The following THSD4 variants were observed in gnomAD, a reference collection of about 807,000 sequenced individuals.
THSD4 encodes thrombospondin type-1 domain-containing protein 4.
THSD4 carries 69 observed loss-of-function variants against 119.0 expected under a neutral mutation model. The ratio of observed to expected loss-of-function variants is 0.58; its 90% CI spans 0.48 to 0.71. THSD4 has a LOEUF of 0.71. Among genes scored for constraint, THSD4 ranks in the 30% least tolerant of loss-of-function variants. THSD4 has a pLI of 0.00. For synonymous variants in THSD4, 524 were observed against 540.4 expected (o/e 0.97, Z 0.42); for missense variants, 1,393 against 1,391.1 (o/e 1.00, Z -0.02).
At position 71,464,165 on chromosome 15, in the gene THSD4, C is replaced by A. The variant is rs563660313; in HGVS notation, c.1152+52342C>A. Among the ~76,000 whole-genome samples, 298 of 152,300 alleles carry A rather than the reference C, an allele frequency of 2.0e-3. 17 individuals are homozygous for A. The South Asian group carries it at 0.06, about 31-fold the overall frequency. On this transcript the variant is annotated intron_variant, in intron 7 of 17. Transcript: ENST00000261862. ...TTTATCCCATTTTGGTTTAGACAGT[C>A]CACTCTGGCTCAGTCCTTTTTTCCC...
chr15:71,527,343 C>G (rs964270232), intron 7 of THSD4, among the ~76,000 whole-genome samples: 2 of 152,136 alleles, frequency 1.3e-5, no homozygotes, highest in African/African-American at 4.8e-5. Context: ...AACACACAAA[C>G]TCTTCTCTGA....
chr15:71,638,275 T>A (rs2050789386), intron 7 of THSD4, among the ~76,000 whole-genome samples: 1 of 152,212 alleles, frequency 6.6e-6, no homozygotes, highest in African/African-American at 2.4e-5. Flanking sequence ...CAGGATTCTC[T>A]GGGTTATATT....
intron 6 of THSD4, among the ~76,000 whole-genome samples, chr15:71,400,775 G>C (rs1454612716): frequency 1.3e-5 from 2 of 151,576 alleles, no homozygotes; most frequent in African/African-American, 4.9e-5. Context: ...CAAGTTTTAT[G>C]AGCTGTGTTT....
At chr15:71,631,776 C>T (rs534351915) in intron 7 of THSD4, among the ~76,000 whole-genome samples, 1 of 152,256 alleles carries the variant, frequency 6.6e-6, no homozygotes, top group East Asian at 1.9e-4. Flanking sequence ...CCACCATTTT[C>T]CTCTAGGATA....
intron 7 of THSD4, among the ~76,000 whole-genome samples, chr15:71,476,674 T>A (rs1210750870): frequency 6.6e-6 from 1 of 152,262 alleles, no homozygotes; most frequent in African/African-American, 2.4e-5. Context: ...GGTCCAAATC[T>A]ATAGCTAAAG....
intron 7 of THSD4, among the ~76,000 whole-genome samples, chr15:71,534,078 T>A (rs1334942366): frequency 6.6e-6 from 1 of 152,174 alleles, no homozygotes; most frequent in African/African-American, 2.4e-5. Flanking sequence ...GCCTCCTGAA[T>A]AGCTGGGACT....
intron 1 of THSD4, among the ~76,000 whole-genome samples, chr15:71,126,608 T>C (rs1198391534): frequency 6.6e-6 from 1 of 152,088 alleles, no homozygotes; most frequent in African/African-American, 2.4e-5. Context: ...AAAAAGACAA[T>C]CAGTTGATGC....
chr15:71,779,906 C>T lies in THSD4; in HGVS notation c.*2532C>T, dbSNP rs534885079. 1.3e-5 allele frequency: 2 copies of T among 151,008 alleles called. No homozygotes were observed. The highest frequency in any genetic ancestry group is 2.1e-4 in the South Asian group (1 of 4,738). 9.4% of individuals were successfully genotyped at this position (151,008 alleles called of 1,614,324 possible). ...GGAGTTCATCTCTGGAGAGGTTATA[C>T]ATTATTAGAAGTTTGATTATTATTA... is the stretch of plus-strand genomic sequence containing the variant. On this transcript the variant is annotated 3_prime_UTR_variant, in exon 18 of 18. Transcript: ENST00000261862.
At chr15:71,156,415 A>G (rs958867889) in intron 3 of THSD4, among the ~76,000 whole-genome samples, 1 of 151,438 alleles carries the variant, frequency 6.6e-6, no homozygotes, top group African/African-American at 2.4e-5. Flanking sequence ...GCGCCACCAC[A>G]CCCAGCTGAT....
chr15:71,320,581 A>G (rs2045252605), intron 6 of THSD4, among the ~76,000 whole-genome samples: 1 of 152,184 alleles, frequency 6.6e-6, no homozygotes, highest in African/African-American at 2.4e-5. Context: ...GAGACAGATA[A>G]CACATAGAAA....
chr15:71,748,553 C>T lies in THSD4; in HGVS notation c.2374C>T (p.Pro792Ser). 6.2e-7 allele frequency: 1 copy of T among 1,614,178 alleles called. No individual in the cohort carries two copies. Among genetic ancestry groups the T allele is most frequent in the East Asian group, 2.2e-5 (1 of 44,870 alleles). ...PNDIENCDMG[P>S]CAKSWFLTEW... ...TGACATTGAGAACTGCGACATGGGA[C>T]CCTGTGCCAAGAGCTGGTTCCTCAC... The change falls in exon 14 of 18, where the codon CCC becomes TCC. Residue 792 changes from proline to serine, a missense_variant. Physicochemically the swap from Pro to Ser is moderately conservative, Grantham distance 74 (BLOSUM62 -1). Coordinates refer to ENST00000261862, the MANE Select transcript of THSD4 (RefSeq NM_024817.3).
chr15:71,280,957 A>G (rs550217429), intron 6 of THSD4, among the ~76,000 whole-genome samples: 2 of 152,218 alleles, frequency 1.3e-5, no homozygotes, highest in East Asian at 1.9e-4. Flanking sequence ...CATGGGGGCA[A>G]TGTTTCTACA....
chr15:71,438,929 A>T (rs1050927722), intron 7 of THSD4, among the ~76,000 whole-genome samples: 2 of 152,222 alleles, frequency 1.3e-5, no homozygotes. Context: ...TTGAAAAATG[A>T]ATATTCTATG....
rs1002789052 is a variant in THSD4, at chr15:71,661,445, G to C, written c.1357+711G>C. Among the ~76,000 whole-genome samples, 52 of 149,238 alleles carry C rather than the reference G, an allele frequency of 3.5e-4. 2 individuals are homozygous for C. The highest frequency in any genetic ancestry group is 3.3e-3 in the Admixed American group (49 of 14,900). ...GAATCTTGCCCTGTCACCCAGGTTC[G>C]AGTGCAGTGGTGCGATTTTTGCTCA... On this transcript the variant is annotated intron_variant, in intron 8 of 17. Transcript: ENST00000261862.
chr15:71,321,253 A>G (rs1212379439), intron 6 of THSD4, among the ~76,000 whole-genome samples: 7 of 150,734 alleles, frequency 4.6e-5, no homozygotes, highest in African/African-American at 1.7e-4. Flanking sequence ...TTTTGTTATC[A>G]GGCCAGGCGC....
At chr15:71,753,260 C>T (rs746273322) in intron 14 of THSD4, among the ~76,000 whole-genome samples, 30 of 152,116 alleles carry the variant, frequency 2.0e-4, no homozygotes, top group Non-Finnish European at 4.3e-4. Context: ...AAGTAAGCAT[C>T]GTTGACTTTT....
At chr15:71,345,442 G>A (rs1033572492) in intron 6 of THSD4, among the ~76,000 whole-genome samples, 3 of 152,168 alleles carry the variant, frequency 2.0e-5, no homozygotes, top group Non-Finnish European at 4.4e-5. Context: ...AGCTGGTGCC[G>A]TCTGAAAGCA....
At chr15:71,225,916 A>G (rs554937243) in intron 4 of THSD4, among the ~76,000 whole-genome samples, 2 of 151,924 alleles carry the variant, frequency 1.3e-5, no homozygotes, top group African/African-American at 2.4e-5. Flanking sequence ...TAACTCTTCA[A>G]TTCCCTCCAT....
chr15:71,341,781 C>G, intron 6 of THSD4: 1 of 785,052 alleles, frequency 1.3e-6, no homozygotes, highest in Non-Finnish European at 2.4e-6. Flanking sequence ...TCTCCTACCT[C>G]CCTCACAACC....
Sources: gnomAD v4.1 joint callset for allele counts (sites outside exome capture counted in the v4.1 genomes callset) on GRCh38, gnomAD v4.1.1 for gene constraint, MANE v1.5 for transcripts, NCBI Gene and HGNC (gene_info 2026-07-23, HGNC 2026-07-21) for gene names.